Variants in TRIM33 observed in about 807,000 individuals in gnomAD.
TRIM33 encodes the protein tripartite motif containing 33.
A neutral mutation model predicts 125.4 loss-of-function variants in TRIM33; 20 were observed. The ratio of observed to expected loss-of-function variants is 0.16; its 90% confidence interval spans 0.11 to 0.23. TRIM33 has a LOEUF of 0.23. Ranked by LOEUF, TRIM33 falls within the 10% of genes least tolerant of loss-of-function variation. TRIM33 has a pLI of 1.00. For missense variants in TRIM33, 920 were observed against 1,411.4 expected, an observed-to-expected ratio of 0.65 and a Z score of 5.58; for synonymous variants, 564 against 513.9, an observed-to-expected ratio of 1.10 and a Z score of -1.32.
intron 7 of TRIM33, 87 bp downstream of exon 7, chr1:114,427,661 A>T (rs1647677706): frequency 1.4e-6 from 2 of 1,388,168 alleles, no homozygotes; most frequent in Non-Finnish European, 1.9e-6. Flanking sequence ...GCCAAAATTA[A>T]AATGTATACT....
chr1:114,404,809 CTTTTTTTT>C (rs139859305), intron 15 of TRIM33: 2 of 125,476 alleles, frequency 1.6e-5, no homozygotes, highest in Non-Finnish European at 3.4e-5. Flanking sequence ...GAAGATATAT[CTTTTTTTT>C]TTTTTTTTTT....
At chr1:114,441,102 G>A (rs1648624094) in intron 4 of TRIM33, among the ~76,000 whole-genome samples, 1 of 152,176 alleles carries the variant, frequency 6.6e-6, no homozygotes. Context: ...GCGGCCTGAA[G>A]TGCAACACCA....
At position 114,402,816 on chromosome 1, in the gene TRIM33, A is replaced by G. The variant is rs1438657307; in HGVS notation, c.2836T>C (p.Leu946=). Residue 946 remains leucine (L), a synonymous_variant, in exon 16 of 20, where the codon TTG becomes CTG. Coordinates refer to ENST00000358465, the MANE Select transcript of TRIM33 (RefSeq NM_015906.4). ...GTTTTCCCCTTCTTACTATGTTGCA[A>G]ATTATCACAATCATATTCAACTTCT... ...KPEVEYDCDN[L]QHSKKGKTAQ... The G allele has an allele frequency of 6.2e-7, 1 of 1,613,982 alleles. No individual in the cohort carries two copies. The highest frequency in any genetic ancestry group is 8.5e-7 in the Non-Finnish European group (1 of 1,180,010).
chr1:114,419,634 TCTC>T (rs142922753), intron 11 of TRIM33, among the ~76,000 whole-genome samples: 6,588 of 152,236 alleles, frequency 0.043, 150 homozygotes, highest in South Asian at 0.063. Context: ...AAAAAAGACT[TCTC>T]CTAGTATTAG....
rs1157432567 is a variant in TRIM33 at position 114,425,817 on chromosome 1, T to G, written c.1421-94A>C. 7.7e-5 allele frequency: 66 copies of G among 853,890 alleles called. 1 individual carries two copies. The highest frequency in any genetic ancestry group is 3.5e-4 in the Middle Eastern group (1 of 2,830). 52.9% of individuals were successfully genotyped at this position (853,890 alleles called of 1,614,324 possible). On this transcript the variant is annotated intron_variant, in intron 8 of 19. Coordinates refer to ENST00000358465, the MANE Select transcript of TRIM33 (RefSeq NM_015906.4). ...ATGTTTTCCTCTTTCCTCTGACAAC[T>G]ATCAGCACCTCAAAGCTCCAACAGT...
At chr1:114,490,111 G>A (rs6666770) in intron 1 of TRIM33, among the ~76,000 whole-genome samples, 27,855 of 112,778 alleles carry the variant, frequency 0.25, 4,284 homozygotes, top group African/African-American at 0.34. Context: ...AAAAGAAAAG[G>A]AAAGGAAAGA....
intron 4 of TRIM33, among the ~76,000 whole-genome samples, chr1:114,461,012 GC>G (rs1649947962): frequency 6.6e-6 from 1 of 151,558 alleles, no homozygotes; most frequent in Non-Finnish European, 1.5e-5. Context: ...CGTGGGAACC[GC>G]CCCGCCCCAC....
At chr1:114,495,977 C>T (rs1421382533) in intron 1 of TRIM33, among the ~76,000 whole-genome samples, 1 of 152,202 alleles carries the variant, frequency 6.6e-6, no homozygotes, top group African/African-American at 2.4e-5. Context: ...AGGTTCATTA[C>T]ATACATCCCT....
chr1:114,418,784 A>G (rs1480807975), intron 11 of TRIM33, among the ~76,000 whole-genome samples: 1 of 151,984 alleles, frequency 6.6e-6, no homozygotes, highest in Non-Finnish European at 1.5e-5. Context: ...CCCTCCAACA[A>G]GCCCTCCTGT....
At position 114,466,924 on chromosome 1, in the gene TRIM33, T is replaced by C. The variant is rs75368032; in HGVS notation, c.527-2536A>G. Among the ~76,000 whole-genome samples the C allele has an allele frequency of 1.6e-3, 239 of 152,344 alleles. 4 individuals carry two copies. The highest frequency in any genetic ancestry group is 5.6e-3 in the African/African-American group (232 of 41,572). On this transcript the variant is annotated intron_variant, in intron 1 of 19. Coordinates refer to ENST00000358465, the MANE Select transcript of TRIM33 (RefSeq NM_015906.4). ...ATCAGTTAACTCTTCAAGAAGTTTA[T>C]ATGTATAAGTGTATTTAGTCCTCAT...
chr1:114,487,504 A>G (rs551811502), intron 1 of TRIM33, among the ~76,000 whole-genome samples: 1 of 152,260 alleles, frequency 6.6e-6, no homozygotes, highest in African/African-American at 2.4e-5. Flanking sequence ...TAATACCCCT[A>G]AAAGCATGTA....
intron 14 of TRIM33, 75 bp downstream of exon 14, chr1:114,406,866 C>T (rs1368172738): frequency 7.0e-7 from 1 of 1,438,266 alleles, no homozygotes; most frequent in Admixed American, 2.0e-5. Context: ...ACTACTTAGT[C>T]TTAATATACT....
intron 1 of TRIM33, among the ~76,000 whole-genome samples, chr1:114,498,252 G>T (rs1418246884): frequency 6.6e-6 from 1 of 152,060 alleles, no homozygotes; most frequent in East Asian, 1.9e-4. Flanking sequence ...ATTTTGCCTG[G>T]GGAAGAAAAA....
chr1:114,494,263 A>G (rs1204319844), intron 1 of TRIM33, among the ~76,000 whole-genome samples: 3 of 152,038 alleles, frequency 2.0e-5, no homozygotes, highest in Non-Finnish European at 4.4e-5. Context: ...GCCTGGCCCA[A>G]TGTCATTTTT....
At chr1:114,478,528 C>A (rs1651110155) in intron 1 of TRIM33, among the ~76,000 whole-genome samples, 1 of 151,762 alleles carries the variant, frequency 6.6e-6, no homozygotes, top group Non-Finnish European at 1.5e-5. Flanking sequence ...AAGGGAGACA[C>A]AAGAAAGCCC....
At chr1:114,418,729 C>CTCGCATG (rs895556740) in intron 11 of TRIM33, among the ~76,000 whole-genome samples, 1 of 152,098 alleles carries the variant, frequency 6.6e-6, no homozygotes, top group African/African-American at 2.4e-5. Context: ...TTTGAGGTTT[C>CTCGCATG]TCGCATGTCT....
At chr1:114,509,254 C>A (rs997056739) in intron 1 of TRIM33, among the ~76,000 whole-genome samples, 1 of 152,214 alleles carries the variant, frequency 6.6e-6, no homozygotes, top group Admixed American at 6.5e-5. Context: ...CCCTTTAGTG[C>A]AGCTCCACAA....
rs369975579 is a variant in TRIM33, at chr1:114,397,873, G to A, written c.3172-13C>T. On this transcript the variant is annotated splice_polypyrimidine_tract_variant and intron_variant, in intron 19 of 19. Coordinates refer to ENST00000358465, the MANE Select transcript of TRIM33 (RefSeq NM_015906.4). Reference sequence around the variant, plus strand: ...CTTCTGAATCAGCCTGCAAGCAAAAGATAGGAATATTCACCTATTGGTAAT... The same window carrying A: ...CTTCTGAATCAGCCTGCAAGCAAAAAATAGGAATATTCACCTATTGGTAAT... 4.3e-5 allele frequency: 69 copies of A among 1,613,724 alleles called. No individual in the cohort carries two copies. The highest frequency in any genetic ancestry group is 5.6e-5 in the Non-Finnish European group (66 of 1,179,902).
intron 1 of TRIM33, among the ~76,000 whole-genome samples, chr1:114,498,237 T>C (rs1652495247): frequency 6.7e-6 from 1 of 149,102 alleles, no homozygotes; most frequent in Non-Finnish European, 1.5e-5. Context: ...TAAAGTAAAA[T>C]ACATATTTTG....
Sources: allele counts gnomAD v4.1 joint callset (sites outside exome capture counted in the v4.1 genomes callset), GRCh38; gene constraint gnomAD v4.1.1; transcripts MANE v1.5; gene names NCBI Gene and HGNC (gene_info 2026-07-23, HGNC 2026-07-21).